The following MCTP1 variants were observed in gnomAD, a reference collection of about 807,000 sequenced individuals.
The protein encoded by MCTP1 is multiple C2 and transmembrane domain containing 1.
A neutral mutation model predicts 120.6 loss-of-function variants in MCTP1; 69 were observed. That is an observed-to-expected ratio of 0.57 (90% confidence interval 0.47 to 0.70). MCTP1 has a LOEUF of 0.70. MCTP1 is among the 30% of genes least tolerant of loss of function. The probability of loss-of-function intolerance (pLI) is 0.00; values close to 1 mark genes in which losing one functional copy is unlikely to be tolerated. For synonymous variants in MCTP1, 529 were observed against 493.1 expected (o/e 1.07, Z -0.96); for missense variants, 1,203 against 1,248.8 (o/e 0.96, Z 0.55).
At chr5:95,246,480 C>CAA (rs553274900) in intron 1 of MCTP1, among the ~76,000 whole-genome samples, 3 of 142,898 alleles carry the variant, frequency 2.1e-5, no homozygotes, top group East Asian at 2.0e-4. Flanking sequence ...AAATGGAAAG[C>CAA]AAAAAAAAAA....
intron 11 of MCTP1, among the ~76,000 whole-genome samples, chr5:94,889,423 C>T (rs1401922995): frequency 6.6e-6 from 1 of 151,854 alleles, no homozygotes; most frequent in Non-Finnish European, 1.5e-5. Context: ...CCCATCTCTA[C>T]CAAAAATACA....
At chr5:94,846,346 T>C (rs964243711) in intron 17 of MCTP1, among the ~76,000 whole-genome samples, 8 of 152,106 alleles carry the variant, frequency 5.3e-5, no homozygotes, top group Non-Finnish European at 1.0e-4. Context: ...TCAGGTCCTC[T>C]GAAGCAACAT....
Position 95,204,965 on chromosome 5 carries a change from C to A in MCTP1, c.720+78891G>T, listed in dbSNP as rs560658182. 3.3e-4 allele frequency among the ~76,000 whole-genome samples: 50 copies of A among 152,206 alleles called. No homozygotes were observed. In the South Asian group the frequency reaches 4.3e-3, roughly 13 times the overall value. On this transcript the variant is annotated intron_variant, in intron 1 of 22. Transcript: ENST00000515393. ...ACTCTATCAGAATCCCAGTTAGCTT[C>A]TTTGTAAAAATGCACAAGCTATTCC...
chr5:95,178,429 C>G (rs1748256421), intron 1 of MCTP1, among the ~76,000 whole-genome samples: 1 of 152,188 alleles, frequency 6.6e-6, no homozygotes, highest in African/African-American at 2.4e-5. Flanking sequence ...GTGTTCCTGG[C>G]TGAAGGCCAA....
chr5:95,067,746 G>T (rs1315831506), intron 1 of MCTP1, among the ~76,000 whole-genome samples: 4 of 152,134 alleles, frequency 2.6e-5, no homozygotes, highest in Admixed American at 2.6e-4. Context: ...ACTGTGGAAA[G>T]ATTCAGTCAA....
intron 17 of MCTP1, among the ~76,000 whole-genome samples, chr5:94,866,090 T>C (rs1245416808): frequency 6.6e-6 from 1 of 151,952 alleles, no homozygotes; most frequent in Non-Finnish European, 1.5e-5. Flanking sequence ...TACTAAGCTA[T>C]GTTTATCATG....
At chr5:95,065,487 A>G (rs1470309631) in intron 1 of MCTP1, among the ~76,000 whole-genome samples, 8 of 152,192 alleles carry the variant, frequency 5.3e-5, no homozygotes. Context: ...TAACTCATCA[A>G]TTAGTAGATT....
chr5:94,840,483 C>T (rs1370314190), intron 17 of MCTP1, among the ~76,000 whole-genome samples: 3 of 152,190 alleles, frequency 2.0e-5, no homozygotes, highest in Non-Finnish European at 4.4e-5. Context: ...GAGATTTTAA[C>T]CGCTGTTGGG....
intron 1 of MCTP1, among the ~76,000 whole-genome samples, chr5:95,021,614 G>C (rs1161642530): frequency 6.6e-6 from 1 of 151,666 alleles, no homozygotes; most frequent in Non-Finnish European, 1.5e-5. Flanking sequence ...ATTCTGATAA[G>C]GTTATTTCTA....
chr5:95,241,913 A>G (rs1756206862), intron 1 of MCTP1, among the ~76,000 whole-genome samples: 1 of 152,224 alleles, frequency 6.6e-6, no homozygotes, highest in African/African-American at 2.4e-5. Flanking sequence ...CCAAAAAAGG[A>G]AACACTGAAC....
chr5:94,867,402 C>A (rs1797029904), intron 17 of MCTP1: 14 of 1,363,022 alleles, frequency 1.0e-5, no homozygotes, highest in Non-Finnish European at 1.4e-5. Flanking sequence ...AGACAGAGCT[C>A]AAAGTACTAA....
chr5:94,889,054 T>C, intron 11 of MCTP1, 82 bp from the exon 12 acceptor site: 2 of 908,782 alleles, frequency 2.2e-6, no homozygotes, highest in South Asian at 3.0e-5. Context: ...TTACATTTTT[T>C]AGTTTATCTT....
intron 1 of MCTP1, among the ~76,000 whole-genome samples, chr5:95,035,780 T>C (rs922424559): frequency 5.9e-5 from 9 of 152,126 alleles, no homozygotes; most frequent in African/African-American, 1.9e-4. Context: ...AAAGTGTTTA[T>C]AAAAGAGTTG....
intron 19 of MCTP1, among the ~76,000 whole-genome samples, chr5:94,721,475 C>T (rs756057564): frequency 7.2e-5 from 11 of 152,160 alleles, no homozygotes; most frequent in Non-Finnish European, 1.3e-4. Flanking sequence ...CACTCCCTTA[C>T]CCTCAACTGC....
At chr5:94,822,141 AT>A (rs1272907134) in intron 17 of MCTP1, among the ~76,000 whole-genome samples, 1 of 152,190 alleles carries the variant, frequency 6.6e-6, no homozygotes, top group Non-Finnish European at 1.5e-5. Flanking sequence ...TACATGTTCC[AT>A]AGCGGTTTGC....
At chr5:95,093,029 C>T (rs1755964377) in intron 1 of MCTP1, among the ~76,000 whole-genome samples, 1 of 152,162 alleles carries the variant, frequency 6.6e-6, no homozygotes, top group Admixed American at 6.5e-5. Flanking sequence ...ATAGAAAACC[C>T]ACAAACTATT....
At chr5:94,959,927 T>G (rs1823701559) in intron 2 of MCTP1, among the ~76,000 whole-genome samples, 1 of 152,128 alleles carries the variant, frequency 6.6e-6, no homozygotes. Context: ...TACTTTAAAT[T>G]TTATATGGAA....
At chr5:94,801,057 T>G (rs1396536311) in intron 17 of MCTP1, among the ~76,000 whole-genome samples, 1 of 152,088 alleles carries the variant, frequency 6.6e-6, no homozygotes. Context: ...AGGAAGTGAA[T>G]TAAGGTAAAT....
chr5:95,101,246 A>G (rs78901011), intron 1 of MCTP1, among the ~76,000 whole-genome samples: 3,638 of 152,332 alleles, frequency 0.024, 128 homozygotes, highest in African/African-American at 0.08. Flanking sequence ...ATATAAACAA[A>G]AGATTCCTAC....
Sources: allele counts gnomAD v4.1 joint callset (sites outside exome capture counted in the v4.1 genomes callset), GRCh38; gene constraint gnomAD v4.1.1; transcripts MANE v1.5; gene names NCBI Gene and HGNC (gene_info 2026-07-23, HGNC 2026-07-21).